TCEANC2: variants seen among roughly 807,000 people sequenced by gnomAD.
The protein encoded by TCEANC2 is transcription elongation factor A N-terminal and central domain containing 2, also known as transcription elongation factor A N-terminal and central domain-containing protein 2.
TCEANC2 carries 20 observed loss-of-function variants against 22.8 expected under a neutral mutation model. The ratio of observed to expected loss-of-function variants is 0.88; its 90% CI spans 0.62 to 1.28. The LOEUF is 1.28. Ranked by LOEUF, TCEANC2 falls within the 50% of genes most tolerant of loss-of-function variation. The pLI, the probability that TCEANC2 is intolerant of heterozygous loss-of-function variation, is 0.00. For missense variants in TCEANC2, 251 were observed against 249.7 expected (o/e 1.01, Z -0.03); for synonymous variants, 84 against 95.5 (o/e 0.88, Z 0.70).
At chr1:54,091,594 C>T (rs929433728) in intron 4 of TCEANC2, among the ~76,000 whole-genome samples, 29 of 152,158 alleles carry the variant, frequency 1.9e-4, no homozygotes, top group African/African-American at 7.0e-4. Context: ...AACGCACAGC[C>T]TAAAGGTGCA....
At chr1:54,071,595 A>G in intron 3 of TCEANC2, among the ~76,000 whole-genome samples, 1 of 152,182 alleles carries the variant, frequency 6.6e-6, no homozygotes, top group East Asian at 1.9e-4. Context: ...GTGATATATC[A>G]TCAGTTTTGT....
intron 2 of TCEANC2, among the ~76,000 whole-genome samples, chr1:54,057,801 C>T (rs1232571027): frequency 6.6e-6 from 1 of 152,192 alleles, no homozygotes; most frequent in Admixed American, 6.5e-5. Flanking sequence ...GCCTGCCTGC[C>T]TCATCCCCTG....
At chr1:54,106,513 C>T (rs1658757963), downstream of TCEANC2, among the ~76,000 whole-genome samples, 1 of 152,036 alleles carries the variant, frequency 6.6e-6, no homozygotes, top group African/African-American at 2.4e-5. Flanking sequence ...TGTACTAAGC[C>T]TCTGAAATGT....
rs1261481651 is a variant in TCEANC2 at position 54,100,419 on chromosome 1, C to A, written c.*3946C>A. 1 of 152,158 alleles carries A rather than the reference C, an allele frequency of 6.6e-6. No homozygotes were observed. Among genetic ancestry groups the A allele is most frequent in the Non-Finnish European group, 1.5e-5 (1 of 68,030 alleles). 9.4% of individuals were successfully genotyped at this position (152,158 alleles called of 1,614,324 possible). ...AGCAATAAAGGAGAGATAATTTCCT[C>A]TGAGTCTGGTGAGGCAGATAGACAC... is the stretch of plus-strand genomic sequence containing the variant. On this transcript the variant is annotated 3_prime_UTR_variant, in exon 5 of 5. Transcript: ENST00000234827.
chr1:54,081,500 G>A (rs552516443), intron 3 of TCEANC2, among the ~76,000 whole-genome samples: 1 of 152,208 alleles, frequency 6.6e-6, no homozygotes, highest in South Asian at 2.1e-4. Context: ...TCCTGCCTTG[G>A]CCCCCACAAA....
chr1:54,062,268 A>G (rs767698870), intron 2 of TCEANC2, among the ~76,000 whole-genome samples: 25 of 152,084 alleles, frequency 1.6e-4, no homozygotes, highest in Non-Finnish European at 3.5e-4. Flanking sequence ...TAACTATTCT[A>G]CTCCTCATTG....
intron 3 of TCEANC2, among the ~76,000 whole-genome samples, chr1:54,074,006 T>G (rs577059156): frequency 2.0e-5 from 3 of 152,242 alleles, no homozygotes; most frequent in African/African-American, 4.8e-5. Context: ...ACAGCAGGTT[T>G]GGAGGTGGAG....
intron 1 of TCEANC2, 51 bp from the exon 2 acceptor site, chr1:54,054,330 A>T (rs1328742272): frequency 6.5e-7 from 1 of 1,546,150 alleles, no homozygotes. Flanking sequence ...GGGAAAAAAT[A>T]TCATGGCAGT....
At chr1:54,111,046 C>T (rs1658831141), downstream of TCEANC2, 4 of 152,218 alleles carry the variant, frequency 2.6e-5, no homozygotes, top group Admixed American at 2.6e-4. Flanking sequence ...TTGCTTCTCC[C>T]ACCAGAGCTC....
In TCEANC2 at chr1:54,097,951, C is replaced by T. The variant is rs1658591233; in HGVS notation, c.*1478C>T. 1 of 152,178 alleles carries T rather than the reference C, an allele frequency of 6.6e-6. No individual in the cohort carries two copies. Among genetic ancestry groups the T allele is most frequent in the African/African-American group, 2.4e-5 (1 of 41,430 alleles). 9.4% of individuals were successfully genotyped at this position (152,178 alleles called of 1,614,324 possible). The stretch of plus-strand genomic sequence containing the variant: ...AGTTAAACATGAGAAAAGTGAGGCT[C>T]AGAAAGGTATAGTAACTTACTCAAG... On this transcript the variant is annotated 3_prime_UTR_variant, in exon 5 of 5. Transcript: ENST00000234827.
intron 3 of TCEANC2, among the ~76,000 whole-genome samples, chr1:54,071,952 C>T (rs987729299): frequency 1.3e-5 from 2 of 151,968 alleles, no homozygotes; most frequent in Non-Finnish European, 2.9e-5. Context: ...GGTAGGACTG[C>T]GGGTATGCAC....
At position 54,097,202 on chromosome 1, in the gene TCEANC2, A is replaced by G. The variant is rs1362517597; in HGVS notation, c.*729A>G. 6.5e-6 allele frequency: 1 copy of G among 153,492 alleles called. No individual in the cohort carries two copies. Among genetic ancestry groups the G allele is most frequent in the African/African-American group, 2.4e-5 (1 of 41,484 alleles). 9.5% of individuals were successfully genotyped at this position (153,492 alleles called of 1,614,324 possible). ...TTGAAATGAATTACTGCAGTAGAAA[A>G]AAGTACATACATATATATGTTAAAA... On this transcript the variant is annotated 3_prime_UTR_variant, in exon 5 of 5. Coordinates refer to ENST00000234827, the MANE Select transcript of TCEANC2 (RefSeq NM_153035.3).
intron 4 of TCEANC2, among the ~76,000 whole-genome samples, chr1:54,090,488 T>C (rs1427404773): frequency 6.6e-6 from 1 of 152,218 alleles, no homozygotes; most frequent in Non-Finnish European, 1.5e-5. Context: ...TTGATGTAAT[T>C]ATTTACATTT....
intron 3 of TCEANC2, among the ~76,000 whole-genome samples, chr1:54,074,819 GA>G (rs1438762396): frequency 1.3e-5 from 2 of 152,146 alleles, no homozygotes; most frequent in Non-Finnish European, 2.9e-5. Context: ...GAAGATGTAT[GA>G]AAATGAAACA....
At position 54,104,822 on chromosome 1, in the gene TCEANC2, G is replaced by C. The variant is rs761656643; in HGVS notation, c.*8349G>C. The C allele has an allele frequency of 1.6e-5, 6 of 374,444 alleles. No homozygotes were observed. In the Admixed American group the frequency reaches 2.0e-4, roughly 12 times the overall value. The allele number at this position is 374,444 out of a possible 1,614,324, so 23.2% of individuals were successfully genotyped here. ...TTCCCAAAGTGCTGGGATTACAGGCGTGAGCCACTGCGCCTGGCCCCTTGC... is the reference window on the plus strand; with the variant it reads ...TTCCCAAAGTGCTGGGATTACAGGCCTGAGCCACTGCGCCTGGCCCCTTGC... On this transcript the variant is annotated 3_prime_UTR_variant, in exon 5 of 5. Transcript: ENST00000234827.
At position 54,098,679 on chromosome 1, in the gene TCEANC2, T is replaced by G. The variant is rs1658602678; in HGVS notation, c.*2206T>G. The G allele has an allele frequency of 6.6e-6, 1 of 152,256 alleles. No homozygotes were observed. The highest frequency in any genetic ancestry group is 6.5e-5 in the Admixed American group (1 of 15,286). The allele number at this position is 152,256 out of a possible 1,614,324, so 9.4% of individuals were successfully genotyped here. On this transcript the variant is annotated 3_prime_UTR_variant, in exon 5 of 5. Coordinates refer to ENST00000234827, the MANE Select transcript of TCEANC2 (RefSeq NM_153035.3). ...GAGCCTGGGACAAGCTAGGTCTCCA[T>G]AACTATTTATTGGATAGTTGAGTGA... is the stretch of plus-strand genomic sequence containing the variant.
chr1:54,103,856 T>G lies in TCEANC2; in HGVS notation c.*7383T>G, dbSNP rs768747537. ...CTTGTAGAGCTTCATCCAGCACAAC[T>G]CTCAAAGGGCTTATAGAATGTTTAA... is the stretch of plus-strand genomic sequence containing the variant. On this transcript the variant is annotated 3_prime_UTR_variant, in exon 5 of 5. Transcript: ENST00000234827. 1.3e-5 allele frequency: 2 copies of G among 150,174 alleles called. No individual in the cohort carries two copies. Among genetic ancestry groups the G allele is most frequent in the Non-Finnish European group, 1.5e-5 (1 of 67,996 alleles). The allele number at this position is 150,174 out of a possible 1,614,324, so 9.3% of individuals were successfully genotyped here. A position where few individuals can be genotyped will look rare whatever the true frequency, so the allele number is the denominator to read the frequency against.
downstream of TCEANC2, among the ~76,000 whole-genome samples, chr1:54,110,730 A>G (rs542693389): frequency 3.5e-4 from 54 of 152,204 alleles, no homozygotes; most frequent in Non-Finnish European, 6.9e-4. Flanking sequence ...CTCTGGCACC[A>G]TCTCCATCTT....
At chr1:54,062,728 A>G (rs113954412) in intron 2 of TCEANC2, among the ~76,000 whole-genome samples, 4 of 152,252 alleles carry the variant, frequency 2.6e-5, no homozygotes, top group African/African-American at 4.8e-5. Flanking sequence ...TAAAAAATGA[A>G]TAAGTATTTA....
Sources: allele counts gnomAD v4.1 joint callset (sites outside exome capture counted in the v4.1 genomes callset), GRCh38; gene constraint gnomAD v4.1.1; transcripts MANE v1.5; gene names NCBI Gene and HGNC (gene_info 2026-07-23, HGNC 2026-07-21).